The following DOCK7 variants were observed in gnomAD, a reference collection of about 807,000 sequenced individuals.
The protein encoded by DOCK7 is dedicator of cytokinesis 7.
DOCK7 carries 138 observed loss-of-function variants against 271.0 expected under a neutral mutation model. The observed-to-expected ratio is 0.51, with a 90% CI of 0.44 to 0.59. The LOEUF (loss-of-function observed/expected upper bound fraction) is 0.59, where lower values mean the gene tolerates loss of function less well. Among genes scored for constraint, DOCK7 ranks in the 20% least tolerant of loss-of-function variants. The pLI, the probability that DOCK7 is intolerant of heterozygous loss-of-function variation, is 0.00. For synonymous variants in DOCK7, 823 were observed against 876.1 expected (o/e 0.94, Z 1.07); for missense variants, 2,066 against 2,592.4 (o/e 0.80, Z 4.41).
intron 15 of DOCK7, chr1:62,584,769 A>G (rs982032125): frequency 1.3e-6 from 1 of 776,022 alleles, no homozygotes; most frequent in Non-Finnish European, 2.3e-6. Context: ...AAATTAAGAA[A>G]TATAGAATCA....
intron 31 of DOCK7, among the ~76,000 whole-genome samples, chr1:62,515,918 G>T (rs957828796): frequency 3.3e-5 from 5 of 152,176 alleles, no homozygotes; most frequent in African/African-American, 1.2e-4. Context: ...CACAAAAAGT[G>T]TCCTATGCAT....
chr1:62,586,071 T>C (rs1647469298), intron 15 of DOCK7, among the ~76,000 whole-genome samples: 1 of 152,128 alleles, frequency 6.6e-6, no homozygotes, highest in Admixed American at 6.5e-5. Context: ...TTTCAAACTA[T>C]AACACAGCCT....
At chr1:62,639,879 A>C (rs1229539098) in intron 7 of DOCK7, among the ~76,000 whole-genome samples, 1 of 152,056 alleles carries the variant, frequency 6.6e-6, no homozygotes, top group African/African-American at 2.4e-5. Flanking sequence ...AACTGCCAAA[A>C]ATGTATATGT....
At chr1:62,534,452 T>C (rs1030943610) in intron 29 of DOCK7, among the ~76,000 whole-genome samples, 2 of 151,970 alleles carry the variant, frequency 1.3e-5, no homozygotes, top group Admixed American at 6.6e-5. Flanking sequence ...CCATTTCTAC[T>C]AAAATTACAA....
chr1:62,571,963 T>C (rs1022477996), intron 18 of DOCK7, among the ~76,000 whole-genome samples: 2 of 152,150 alleles, frequency 1.3e-5, no homozygotes, highest in Non-Finnish European at 2.9e-5. Context: ...CTGGGCTTAA[T>C]ACTTAGGTGA....
chr1:62,667,883 G>A (rs952266110), intron 1 of DOCK7, among the ~76,000 whole-genome samples: 1 of 151,970 alleles, frequency 6.6e-6, no homozygotes, highest in African/African-American at 2.4e-5. Context: ...AGCCAGACGT[G>A]GTGGCAGGCA....
rs1250062374 is a variant in DOCK7, at chr1:62,506,416, C to A, written c.4477-600G>T. Among the ~76,000 whole-genome samples, 7 of 151,936 alleles carry A rather than the reference C, an allele frequency of 4.6e-5. 1 individual carries two copies. In the South Asian group the frequency reaches 1.5e-3, roughly 32 times the overall value. On this transcript the variant is annotated intron_variant, in intron 35 of 49. Transcript: ENST00000635253. ...CCATCTTGGGATCAGTTATCTTGGA[C>A]TTATTAAATTTTTTCTATTTTTAAA...
At chr1:62,645,819 T>C (rs1157505688) in intron 7 of DOCK7, among the ~76,000 whole-genome samples, 2 of 152,118 alleles carry the variant, frequency 1.3e-5, no homozygotes, top group African/African-American at 4.8e-5. Flanking sequence ...AAGTGGTGTA[T>C]CCACACAGTG....
chr1:62,597,757 C>A (rs756641927), intron 14 of DOCK7: 2 of 1,613,452 alleles, frequency 1.2e-6, no homozygotes, highest in Admixed American at 1.7e-5. Flanking sequence ...GTCCATAAGA[C>A]GAAGGGCCAA....
At chr1:62,545,485 C>T (rs1307359941) in intron 22 of DOCK7, among the ~76,000 whole-genome samples, 1 of 152,086 alleles carries the variant, frequency 6.6e-6, no homozygotes, top group African/African-American at 2.4e-5. Context: ...CTGAAAACTA[C>T]TATGCAGTGA....
intron 12 of DOCK7, among the ~76,000 whole-genome samples, chr1:62,624,532 T>C (rs1290615512): frequency 6.6e-6 from 1 of 152,202 alleles, no homozygotes; most frequent in Non-Finnish European, 1.5e-5. Flanking sequence ...AATGCACTCC[T>C]AGGGCCTGAA....
At chr1:62,464,628 G>A (rs1255603185) in intron 48 of DOCK7, among the ~76,000 whole-genome samples, 1 of 151,946 alleles carries the variant, frequency 6.6e-6, no homozygotes, top group Non-Finnish European at 1.5e-5. Context: ...GTTGCAGTAA[G>A]CCGAGATCGC....
Position 62,577,293 on chromosome 1 carries a change from G to A in DOCK7, c.2081C>T (p.Pro694Leu). 2 of 1,591,100 alleles carry A rather than the reference G, an allele frequency of 1.3e-6. No individual in the cohort carries two copies. Among genetic ancestry groups the A allele is most frequent in the Non-Finnish European group, 1.7e-6 (2 of 1,166,334 alleles). ...AGACAGTACAGAATAAGCCTGTGGT[G>A]GTTTTTCCAATGAGACTGGCAAGCA... The part of the protein sequence containing the change: ...QFCLPVSLEK[P>L]PQAYSVLSPE... Residue 694 changes from proline to leucine, a missense_variant, in exon 18 of 50, where the codon CCA becomes CTA. By Grantham distance (98) the Pro-to-Leu change is moderately conservative (BLOSUM62 -3). Coordinates refer to ENST00000635253, the MANE Select transcript of DOCK7 (RefSeq NM_001367561.1).
At chr1:62,599,974 CA>C (rs761114163) in intron 14 of DOCK7, among the ~76,000 whole-genome samples, 3 of 151,972 alleles carry the variant, frequency 2.0e-5, no homozygotes, top group Non-Finnish European at 4.4e-5. Context: ...AACTGGTAAA[CA>C]AAATCATTTT....
chr1:62,520,763 A>T (rs924372311), intron 31 of DOCK7, among the ~76,000 whole-genome samples: 6 of 152,188 alleles, frequency 3.9e-5, no homozygotes, highest in Non-Finnish European at 7.3e-5. Flanking sequence ...GTATATACCC[A>T]AAGGATTATA....
Position 62,476,310 on chromosome 1 carries a change from T to A in DOCK7, c.5635-154A>T. On this transcript the variant is annotated intron_variant, in intron 44 of 49. Coordinates refer to ENST00000635253, the MANE Select transcript of DOCK7 (RefSeq NM_001367561.1). ...AGTAATGATTTAGGCTTACAAAAAT[T>A]ATACTAGCTTATAAATTAGCATGGT... 7.4e-6 allele frequency: 4 copies of A among 542,658 alleles called. No individual in the cohort carries two copies. The South Asian group carries it at 1.2e-4, about 16-fold the overall frequency. 33.6% of individuals were successfully genotyped at this position (542,658 alleles called of 1,614,324 possible).
At chr1:62,488,568 C>G (rs2149285058) in intron 42 of DOCK7, 1 of 183,824 alleles carries the variant, frequency 5.4e-6, no homozygotes, top group East Asian at 1.6e-4. Context: ...ATTTAAAAAA[C>G]TGAAATATAA....
At chr1:62,647,811 C>A in intron 6 of DOCK7, 35 bp from the exon 7 acceptor site, 7 of 1,391,922 alleles carry the variant, frequency 5.0e-6, no homozygotes, top group Non-Finnish European at 7.1e-6. Context: ...AATGAATATG[C>A]TTATCATATT....
At position 62,568,534 on chromosome 1, in the gene DOCK7, AC is replaced by A. The variant is rs200849339; in HGVS notation, c.2113-6832del. On this transcript the variant is annotated intron_variant, in intron 18 of 49. Transcript: ENST00000635253. ...TGGCCAGGCTGGTCTCAAACTCCTGACCTCAAGTAATCCCCCTGCCACAGCA... is the reference window on the plus strand; with the variant it reads ...TGGCCAGGCTGGTCTCAAACTCCTGACTCAAGTAATCCCCCTGCCACAGCA... Among the ~76,000 whole-genome samples, 525 of 140,110 alleles carry A rather than the reference AC, an allele frequency of 3.7e-3. 6 individuals carry two copies. The highest frequency in any genetic ancestry group is 0.029 in the East Asian group (137 of 4,792). 91.9% of individuals were successfully genotyped at this position (140,110 alleles called of 152,430 possible).
Sources: allele counts gnomAD v4.1 joint callset (sites outside exome capture counted in the v4.1 genomes callset), GRCh38; gene constraint gnomAD v4.1.1; transcripts MANE v1.5; gene names NCBI Gene and HGNC (gene_info 2026-07-23, HGNC 2026-07-21).